Variants in NPAS2 observed in about 807,000 individuals in gnomAD.
The protein encoded by NPAS2 is neuronal PAS domain-containing protein 2.
NPAS2 carries 23 observed loss-of-function variants against 107.5 expected under a neutral mutation model. The observed-to-expected ratio is 0.21, with a 90% CI of 0.15 to 0.30. The LOEUF (loss-of-function observed/expected upper bound fraction) is 0.30. Among genes scored for constraint, NPAS2 ranks in the 10% least tolerant of loss-of-function variants. NPAS2 has a pLI of 1.00. For synonymous variants in NPAS2, 403 were observed against 417.5 expected (o/e 0.97, Z 0.42); for missense variants, 756 against 1,043.3 (o/e 0.72, Z 3.79).
chr2:100,857,735 G>A (rs146210751), intron 1 of NPAS2, among the ~76,000 whole-genome samples: 14 of 152,348 alleles, frequency 9.2e-5, no homozygotes, highest in African/African-American at 2.9e-4. Flanking sequence ...TGCACCCGGC[G>A]TCTGCTACAG....
intron 1 of NPAS2, among the ~76,000 whole-genome samples, chr2:100,837,298 T>C (rs531115768): frequency 6.6e-6 from 1 of 152,256 alleles, no homozygotes; most frequent in East Asian, 1.9e-4. Flanking sequence ...TAACTAGGGA[T>C]TGCCATTTTT....
intron 7 of NPAS2, among the ~76,000 whole-genome samples, chr2:100,954,664 CAAAAAAAAA>C (rs1194534141): frequency 1.2e-5 from 1 of 81,386 alleles, no homozygotes; most frequent in Non-Finnish European, 2.6e-5. Flanking sequence ...AACTGTGTCT[CAAAAAAAAA>C]AAAAAAAGAA....
chr2:100,891,567 A>G (rs1681071932), intron 1 of NPAS2, among the ~76,000 whole-genome samples: 1 of 152,228 alleles, frequency 6.6e-6, no homozygotes, highest in East Asian at 1.9e-4. Context: ...CTTACAGATG[A>G]GGTCATCATG....
Position 100,995,896 on chromosome 2 carries a change from C to T in NPAS2, c.*314C>T. On this transcript the variant is annotated 3_prime_UTR_variant, in exon 21 of 21. Transcript: ENST00000335681. ...TCAGAGATGGCGCATCTCGCTGCATCCCCCGAGAGTACACCGGTTGCTCTA... is the reference window on the plus strand; with the variant it reads ...TCAGAGATGGCGCATCTCGCTGCATTCCCCGAGAGTACACCGGTTGCTCTA... The T allele has an allele frequency of 6.9e-7, 1 of 1,452,782 alleles. No individual in the cohort carries two copies. Among genetic ancestry groups the T allele is most frequent in the Non-Finnish European group, 9.2e-7 (1 of 1,090,254 alleles). The allele number at this position is 1,452,782 out of a possible 1,614,324, so 90.0% of individuals were successfully genotyped here. A position where few individuals can be genotyped will look rare whatever the true frequency, so the allele number is the denominator to read the frequency against.
At position 100,996,114 on chromosome 2, in the gene NPAS2, G is replaced by T. The variant is rs376274216; in HGVS notation, c.*532G>T. ...AGAGGAAATAACTTAGGCACTTTCT[G>T]TTTTTTTTAAAAAAATAATAAGGTC... On this transcript the variant is annotated 3_prime_UTR_variant, in exon 21 of 21. Coordinates refer to ENST00000335681, the MANE Select transcript of NPAS2 (RefSeq NM_002518.4). 6 of 419,086 alleles carry T rather than the reference G, an allele frequency of 1.4e-5. No individual in the cohort carries two copies. The highest frequency in any genetic ancestry group is 9.2e-5 in the East Asian group (1 of 10,862). 26.0% of individuals were successfully genotyped at this position (419,086 alleles called of 1,614,324 possible).
At chr2:100,850,622 T>C (rs964496565) in intron 1 of NPAS2, among the ~76,000 whole-genome samples, 2 of 152,118 alleles carry the variant, frequency 1.3e-5, no homozygotes, top group African/African-American at 4.8e-5. Flanking sequence ...AAATAAAATA[T>C]GGTTTATAGG....
At position 100,977,623 on chromosome 2, in the gene NPAS2, G is replaced by A. The variant is rs1548066; in HGVS notation, c.1393-87G>A. 2.2e-3 allele frequency: 2,492 copies of A among 1,153,962 alleles called. 59 individuals carry two copies. In the East Asian group the frequency reaches 0.049, roughly 23 times the overall value. 71.5% of individuals were successfully genotyped at this position (1,153,962 alleles called of 1,614,324 possible). A position where few individuals can be genotyped will look rare whatever the true frequency, so the allele number is the denominator to read the frequency against. ...GGAGCTGTTCACCCCAGTGCGGAAC[G>A]CAGAGAACCCACCGGACCAAGAGAC... On this transcript the variant is annotated intron_variant, in intron 14 of 20. Coordinates refer to ENST00000335681, the MANE Select transcript of NPAS2 (RefSeq NM_002518.4).
At chr2:100,869,923 G>C (rs745866538) in intron 1 of NPAS2, among the ~76,000 whole-genome samples, 20 of 57,442 alleles carry the variant, frequency 3.5e-4, no homozygotes, top group Non-Finnish European at 5.0e-4. Context: ...TTTTTTTTTT[G>C]AGATGGAGTC....
At chr2:100,992,888 CTGTTGATAG>C (rs70943052) in intron 19 of NPAS2, among the ~76,000 whole-genome samples, 28,038 of 150,760 alleles carry the variant, frequency 0.19, 2,769 homozygotes, top group Middle Eastern at 0.32. Context: ...CCTTTTCCCT[CTGTTGATAG>C]TGTTGATAGT....
chr2:100,912,507 A>G (rs1230610821), intron 2 of NPAS2, among the ~76,000 whole-genome samples: 1 of 152,192 alleles, frequency 6.6e-6, no homozygotes, highest in Non-Finnish European at 1.5e-5. Flanking sequence ...CATTTTGCTC[A>G]TGGATCTTTG....
chr2:100,979,641 G>A (rs575519216), intron 15 of NPAS2, among the ~76,000 whole-genome samples: 1 of 150,682 alleles, frequency 6.6e-6, no homozygotes, highest in African/African-American at 2.4e-5. Context: ...AGCCTCCCAA[G>A]TAGCTGGGAT....
At chr2:100,901,044 A>G (rs376566944) in intron 1 of NPAS2, among the ~76,000 whole-genome samples, 4 of 152,054 alleles carry the variant, frequency 2.6e-5, no homozygotes, top group Non-Finnish European at 4.4e-5. Context: ...TTCTATTGCC[A>G]TTGTTCCTTC....
chr2:100,855,689 T>C (rs1390433762), intron 1 of NPAS2, among the ~76,000 whole-genome samples: 1 of 152,236 alleles, frequency 6.6e-6, no homozygotes, highest in Non-Finnish European at 1.5e-5. Context: ...TCCATTCTTT[T>C]ATCAAGTTGT....
chr2:100,995,581 A>T lies in NPAS2; in HGVS notation c.2474A>T (p.Ter825LeuextTer16). The T allele has an allele frequency of 6.2e-7, 1 of 1,604,042 alleles. No homozygotes were observed. Among genetic ancestry groups the T allele is most frequent in the South Asian group, 1.1e-5 (1 of 90,072 alleles). Residue 825 changes from the stop codon to leucine, a stop_lost, in exon 21 of 21, where the codon TAA becomes TTA. Coordinates refer to ENST00000335681, the MANE Select transcript of NPAS2 (RefSeq NM_002518.4). ...ESSGLQQPPR[*>L] ...TCAGGCCTCCAGCAGCCGCCCCGAT[A>T]ATGCCCCGGCACTGAAGTCGGGACA...
chr2:100,964,935 G>C lies in NPAS2; in HGVS notation c.792G>C (p.Leu264=). ...RHSLEWKFLF[L]DHRAPPIIGY... ...GCTTGGAATGGAAATTTTTATTTCT[G>C]GATCACAGGTTTGAGAAAAGAAAAA... The change falls in exon 9 of 21, where the codon CTG becomes CTC. Residue 264 remains leucine, a synonymous_variant. Transcript: ENST00000335681. 1 of 1,568,980 alleles carries C rather than the reference G, an allele frequency of 6.4e-7. No individual in the cohort carries two copies. The highest frequency in any genetic ancestry group is 8.6e-7 in the Non-Finnish European group (1 of 1,166,834).
At chr2:100,898,757 A>G (rs1681582947) in intron 1 of NPAS2, among the ~76,000 whole-genome samples, 1 of 149,138 alleles carries the variant, frequency 6.7e-6, no homozygotes, top group Non-Finnish European at 1.5e-5. Flanking sequence ...AATTGGATCT[A>G]CCACTTTAAA....
chr2:100,914,086 A>C (rs34368289), intron 2 of NPAS2, among the ~76,000 whole-genome samples: 23,607 of 152,122 alleles, frequency 0.16, 1,935 homozygotes, highest in Middle Eastern at 0.18. Context: ...TGGTGTAAAT[A>C]ATATGCATTT....
intron 16 of NPAS2, chr2:100,987,743 GAAGCT>G: frequency 6.8e-6 from 2 of 295,414 alleles, no homozygotes; most frequent in South Asian, 1.0e-4. Flanking sequence ...CTTCTAGGAA[GAAGCT>G]GGTAAGCCAA....
At chr2:100,916,002 T>C (rs1682859853) in intron 2 of NPAS2, among the ~76,000 whole-genome samples, 1 of 152,154 alleles carries the variant, frequency 6.6e-6, no homozygotes, top group South Asian at 2.1e-4. Flanking sequence ...TAGATTCCAT[T>C]TGAAATGATA....
Sources: allele counts gnomAD v4.1 joint callset (sites outside exome capture counted in the v4.1 genomes callset), GRCh38; gene constraint gnomAD v4.1.1; transcripts MANE v1.5; gene names NCBI Gene and HGNC (gene_info 2026-07-23, HGNC 2026-07-21).